Variants in MYO3B observed in about 807,000 individuals in gnomAD.
MYO3B encodes myosin IIIB, also known as myosin-IIIb.
In MYO3B, 156 loss-of-function variants were observed where a neutral mutation model predicts 174.6. That is an observed-to-expected ratio of 0.89 (90% CI 0.78 to 1.02). The LOEUF (loss-of-function observed/expected upper bound fraction) is 1.02, where lower values mean the gene tolerates loss of function less well. Among genes scored for constraint, MYO3B ranks in the 50% least tolerant of loss-of-function variants. MYO3B has a pLI of 0.00. For synonymous variants in MYO3B, 563 were observed against 569.1 expected, an observed-to-expected ratio of 0.99 and a Z score of 0.15; for missense variants, 1,632 against 1,639.4, an observed-to-expected ratio of 1.00 and a Z score of 0.08.
At chr2:170,556,844 G>A (rs1480172758) in intron 32 of MYO3B, among the ~76,000 whole-genome samples, 1 of 152,132 alleles carries the variant, frequency 6.6e-6, no homozygotes, top group African/African-American at 2.4e-5. Context: ...TTTAATAGTT[G>A]TGTAGTCACA....
intron 27 of MYO3B, 61 bp downstream of exon 27, chr2:170,499,869 G>A (rs1039350382): frequency 5.3e-6 from 8 of 1,517,986 alleles, no homozygotes; most frequent in Non-Finnish European, 7.2e-6. Flanking sequence ...AAGTACTGGG[G>A]AATACTCAAC....
At chr2:170,180,550 A>T (rs1431938620) in intron 1 of MYO3B, among the ~76,000 whole-genome samples, 1 of 152,216 alleles carries the variant, frequency 6.6e-6, no homozygotes, top group Non-Finnish European at 1.5e-5. Flanking sequence ...CATTTGGGTC[A>T]TAATAGTCTC....
At chr2:170,373,763 A>G (rs1484430952) in intron 9 of MYO3B, among the ~76,000 whole-genome samples, 1 of 151,904 alleles carries the variant, frequency 6.6e-6, no homozygotes, top group Non-Finnish European at 1.5e-5. Context: ...CAGAAAGGTT[A>G]GATAAAAGTA....
At chr2:170,648,682 ATT>A (rs1232577843) in intron 32 of MYO3B, among the ~76,000 whole-genome samples, 81 of 134,682 alleles carry the variant, frequency 6.0e-4, no homozygotes, top group Admixed American at 1.2e-3. Context: ...TATAATATAT[ATT>A]ATATTCTATA....
chr2:170,392,882 G>A (rs961238972), intron 16 of MYO3B, among the ~76,000 whole-genome samples: 1 of 149,396 alleles, frequency 6.7e-6, no homozygotes, highest in African/African-American at 2.5e-5. Context: ...CTGATTGAGC[G>A]TTCTTCCAAC....
chr2:170,382,258 C>T, intron 10 of MYO3B, 146 bp downstream of exon 10: 2 of 607,450 alleles, frequency 3.3e-6, no homozygotes, highest in Non-Finnish European at 3.0e-6. Context: ...AGGGAGCATT[C>T]AGTTGCTGTG....
intron 16 of MYO3B, among the ~76,000 whole-genome samples, chr2:170,394,433 T>C (rs1184609349): frequency 6.6e-6 from 1 of 152,090 alleles, no homozygotes; most frequent in Non-Finnish European, 1.5e-5. Flanking sequence ...CACTAAAGCA[T>C]TAAAAACAGA....
intron 22 of MYO3B, among the ~76,000 whole-genome samples, chr2:170,436,960 C>G (rs933061778): frequency 6.6e-6 from 1 of 152,144 alleles, no homozygotes; most frequent in Non-Finnish European, 1.5e-5. Flanking sequence ...TAATAAAATA[C>G]TACCTAATGT....
chr2:170,498,871 T>C (rs548322729), intron 26 of MYO3B, among the ~76,000 whole-genome samples, 168 bp downstream of exon 26: 3 of 152,252 alleles, frequency 2.0e-5, no homozygotes, highest in African/African-American at 7.2e-5. Flanking sequence ...CGTTAGGGAG[T>C]AGAGGAGGAG....
chr2:170,391,731 C>T, intron 15 of MYO3B, 113 bp downstream of exon 15: 3 of 655,094 alleles, frequency 4.6e-6, no homozygotes, highest in South Asian at 3.9e-5. Context: ...GTCTATTTAA[C>T]TAAAGTGCCC....
Position 170,286,846 on chromosome 2 carries a change from A to G in MYO3B, c.750-48539A>G, listed in dbSNP as rs143944375. ...TATAGAGTTCAGTGGTAATAACTAC[A>G]TTTATATTTCTTTTTTCCTCTTCAT... On this transcript the variant is annotated intron_variant, in intron 7 of 34. Transcript: ENST00000408978. 3.9e-3 allele frequency among the ~76,000 whole-genome samples: 597 copies of G among 152,078 alleles called. 2 individuals carry two copies. Among genetic ancestry groups the G allele is most frequent in the Non-Finnish European group, 4.6e-3 (313 of 67,950 alleles).
intron 25 of MYO3B, among the ~76,000 whole-genome samples, chr2:170,479,266 A>C (rs1685524530): frequency 6.7e-6 from 1 of 150,312 alleles, no homozygotes; most frequent in African/African-American, 2.4e-5. Context: ...CCTGGGCAAC[A>C]GAGTGAGACT....
intron 7 of MYO3B, among the ~76,000 whole-genome samples, chr2:170,260,845 T>G (rs2105349370): frequency 6.6e-6 from 1 of 152,178 alleles, no homozygotes; most frequent in South Asian, 2.1e-4. Context: ...ATTATACTAG[T>G]GTTGGGTTAT....
At chr2:170,565,328 C>T (rs774702303) in intron 32 of MYO3B, among the ~76,000 whole-genome samples, 60 of 152,102 alleles carry the variant, frequency 3.9e-4, no homozygotes, top group Non-Finnish European at 7.2e-4. Context: ...TTGGATTAAG[C>T]TATGCATAAT....
chr2:170,427,569 T>C (rs1295469655), intron 22 of MYO3B, among the ~76,000 whole-genome samples: 4 of 152,106 alleles, frequency 2.6e-5, no homozygotes, highest in Non-Finnish European at 5.9e-5. Context: ...TATAACAATG[T>C]AGTTTAGATA....
chr2:170,518,041 A>T (rs1688434263), intron 29 of MYO3B, among the ~76,000 whole-genome samples: 1 of 150,494 alleles, frequency 6.6e-6, no homozygotes, highest in South Asian at 2.1e-4. Context: ...TTAATGTCTC[A>T]CTTAAATTTT....
chr2:170,562,888 A>G (rs77087607), intron 32 of MYO3B, among the ~76,000 whole-genome samples: 157 of 151,590 alleles, frequency 1.0e-3, no homozygotes, highest in African/African-American at 3.6e-3. Context: ...TTAACTCTTC[A>G]CTTTTAAAGG....
chr2:170,511,631 A>C (rs1246653143), intron 28 of MYO3B, among the ~76,000 whole-genome samples: 1 of 152,230 alleles, frequency 6.6e-6, no homozygotes, highest in East Asian at 1.9e-4. Context: ...GATAGAAGCT[A>C]GGAAATCTCA....
intron 7 of MYO3B, among the ~76,000 whole-genome samples, chr2:170,283,992 G>A (rs2093534708): frequency 6.6e-6 from 1 of 152,190 alleles, no homozygotes; most frequent in Non-Finnish European, 1.5e-5. Context: ...TAGCTGAGCA[G>A]CTCTTATGAA....
Sources: allele counts gnomAD v4.1 joint callset (sites outside exome capture counted in the v4.1 genomes callset), GRCh38; gene constraint gnomAD v4.1.1; transcripts MANE v1.5; gene names NCBI Gene and HGNC (gene_info 2026-07-23, HGNC 2026-07-21).